Variants in FRAS1 observed in about 807,000 individuals in gnomAD.
The protein encoded by FRAS1 is Fraser extracellular matrix complex subunit 1, also known as extracellular matrix organizing protein FRAS1.
Under a neutral mutation model 435.2 loss-of-function variants are expected in FRAS1, and 290 were observed. The observed-to-expected ratio is 0.67, with a 90% CI of 0.61 to 0.73. The LOEUF is 0.73. FRAS1 is among the 30% of genes least tolerant of loss of function. The pLI is 0.00. For synonymous variants in FRAS1, 1,800 were observed against 1,851.0 expected (o/e 0.97, Z 0.71); for missense variants, 4,860 against 5,001.5 (o/e 0.97, Z 0.85).
At chr4:78,218,090 A>ACTCTCTCT (rs376208393) in intron 2 of FRAS1, among the ~76,000 whole-genome samples, 2 of 14,540 alleles carry the variant, frequency 1.4e-4, no homozygotes, top group African/African-American at 4.1e-4. Flanking sequence ...TCTCTCTCTC[A>ACTCTCTCT]CTCTCTCTCA....
chr4:78,363,788 G>A, intron 21 of FRAS1, 120 bp from the exon 22 acceptor site: 1 of 1,423,342 alleles, frequency 7.0e-7, no homozygotes, highest in South Asian at 1.4e-5. Flanking sequence ...ACTTCCATGG[G>A]ACTGTAAACC....
chr4:78,445,793 C>T, intron 42 of FRAS1, 81 bp downstream of exon 42: 1 of 1,482,958 alleles, frequency 6.7e-7, no homozygotes. Flanking sequence ...TATAGGGACT[C>T]AAAAGCAAAG....
intron 2 of FRAS1, among the ~76,000 whole-genome samples, chr4:78,116,113 A>G (rs1464805514): frequency 3.9e-5 from 6 of 152,208 alleles, no homozygotes; most frequent in East Asian, 1.9e-4. Flanking sequence ...GGAGCAGGTT[A>G]TTCATTTTCC....
chr4:78,289,806 T>C (rs928374758), intron 14 of FRAS1, among the ~76,000 whole-genome samples: 2 of 152,126 alleles, frequency 1.3e-5, no homozygotes, highest in Non-Finnish European at 2.9e-5. Context: ...TATCCATGTA[T>C]GGATGCTCCT....
intron 2 of FRAS1, among the ~76,000 whole-genome samples, chr4:78,139,091 A>G (rs1457908596): frequency 6.6e-6 from 1 of 152,186 alleles, no homozygotes; most frequent in Non-Finnish European, 1.5e-5. Flanking sequence ...GGAATATCCT[A>G]TCACATTATT....
At chr4:78,140,051 A>G (rs1578148531) in intron 2 of FRAS1, among the ~76,000 whole-genome samples, 1 of 152,186 alleles carries the variant, frequency 6.6e-6, no homozygotes, top group South Asian at 2.1e-4. Context: ...AAACAAATAT[A>G]AAAGAATAGT....
At chr4:78,067,512 C>T (rs1740096943) in intron 2 of FRAS1, among the ~76,000 whole-genome samples, 1 of 151,950 alleles carries the variant, frequency 6.6e-6, no homozygotes, top group African/African-American at 2.4e-5. Flanking sequence ...GATGACCTTG[C>T]TTCCCTCTGT....
chr4:78,434,905 GA>G (rs1370750060), intron 38 of FRAS1, among the ~76,000 whole-genome samples: 1 of 152,114 alleles, frequency 6.6e-6, no homozygotes, highest in Non-Finnish European at 1.5e-5. Flanking sequence ...TAAATGAAAA[GA>G]CATGCCATAT....
chr4:78,307,614 T>A (rs1364038063), intron 14 of FRAS1, among the ~76,000 whole-genome samples: 1 of 152,184 alleles, frequency 6.6e-6, no homozygotes, highest in South Asian at 2.1e-4. Context: ...AGTGACCCGA[T>A]TTTCCAGGTG....
chr4:78,300,540 C>A (rs1728336742), intron 14 of FRAS1, among the ~76,000 whole-genome samples: 1 of 152,110 alleles, frequency 6.6e-6, no homozygotes, highest in African/African-American at 2.4e-5. Context: ...CTGGGTCATG[C>A]AGTAGACTCT....
Position 78,464,591 on chromosome 4 carries a change from C to A in FRAS1, c.7029+8C>A. ...GTGGATGCTGACACAGAGGTAAGAG[C>A]ACTTCTTCCCATGGGTTCTCTGGCT... On this transcript the variant is annotated splice_region_variant and intron_variant, in intron 49 of 73. Coordinates refer to ENST00000512123, the MANE Select transcript of FRAS1 (RefSeq NM_025074.7). 1 of 1,613,210 alleles carries A rather than the reference C, an allele frequency of 6.2e-7. No homozygotes were observed. The highest frequency in any genetic ancestry group is 8.5e-7 in the Non-Finnish European group (1 of 1,179,660).
chr4:78,448,228 G>GATACGGC lies in FRAS1; in HGVS notation c.6186_6187insATACGGC (p.Asp2063IlefsTer17). The stretch of plus-strand genomic sequence containing the variant: ...TCTCCCTCACTGATGGCCTCCACGT[G>GATACGGC]GACACAGGGAGGATGAAGATCTACA... On this transcript the variant is annotated frameshift_variant, in exon 44 of 74. Coordinates refer to ENST00000512123, the MANE Select transcript of FRAS1 (RefSeq NM_025074.7). LOFTEE classifies it high-confidence loss of function. 1 of 1,509,702 alleles carries GATACGGC rather than the reference G, an allele frequency of 6.6e-7. No individual in the cohort carries two copies. The highest frequency in any genetic ancestry group is 8.9e-7 in the Non-Finnish European group (1 of 1,125,966). 93.5% of individuals were successfully genotyped at this position (1,509,702 alleles called of 1,614,324 possible).
intron 2 of FRAS1, among the ~76,000 whole-genome samples, chr4:78,082,155 A>G (rs1046027794): frequency 2.0e-5 from 3 of 152,170 alleles, no homozygotes; most frequent in South Asian, 2.1e-4. Context: ...TAATGTTTCC[A>G]ATAGAATCTG....
At position 78,267,367 on chromosome 4, in the gene FRAS1, T is replaced by C. The variant is rs1726417185; in HGVS notation, c.916T>C (p.Cys306Arg). The change falls in exon 9 of 74, where the codon TGC becomes CGC. Residue 306 changes from cysteine (C) to arginine (R), a missense_variant. By Grantham distance (180) the Cys-to-Arg change is radical (BLOSUM62 -3). Transcript: ENST00000512123. The stretch of plus-strand genomic sequence containing the variant: ...GTGGAAGGGCTCGGCCTGTGAGTTC[T>C]GCATGTGTGATCATGGCCAAGTGAC... Reference protein sequence around the residue: ...EMWKGSACEFCMCDHGQVTCQ... With the variant: ...EMWKGSACEFRMCDHGQVTCQ... 1.2e-6 allele frequency: 2 copies of C among 1,613,966 alleles called. No individual in the cohort carries two copies. The highest frequency in any genetic ancestry group is 1.6e-4 in the Middle Eastern group (1 of 6,062).
chr4:78,511,160 A>G, intron 63 of FRAS1, 114 bp from the exon 64 acceptor site: 1 of 883,584 alleles, frequency 1.1e-6, no homozygotes, highest in Non-Finnish European at 1.7e-6. Flanking sequence ...GAATAGATGG[A>G]AAAATCAATG....
intron 9 of FRAS1, among the ~76,000 whole-genome samples, chr4:78,274,033 T>A: frequency 6.6e-6 from 1 of 152,188 alleles, no homozygotes; most frequent in East Asian, 1.9e-4. Context: ...TCTTCCTAGT[T>A]TAGTCTTGGG....
Position 78,374,959 on chromosome 4 carries a change from G to C in FRAS1, c.3151+708G>C, listed in dbSNP as rs111260535. On this transcript the variant is annotated intron_variant, in intron 25 of 73. Coordinates refer to ENST00000512123, the MANE Select transcript of FRAS1 (RefSeq NM_025074.7). ...TCTTACAAGTGAAAGAAAAATAAGA[G>C]ACTTAAAAGTGTTAATCACAGCAGC... is the stretch of plus-strand genomic sequence containing the variant. Among the ~76,000 whole-genome samples, 141 of 152,240 alleles carry C rather than the reference G, an allele frequency of 9.3e-4. 2 individuals are homozygous for C. Among genetic ancestry groups the C allele is most frequent in the Middle Eastern group, 3.4e-3 (1 of 294 alleles).
chr4:78,440,022 T>C (rs1481596556), intron 40 of FRAS1, among the ~76,000 whole-genome samples: 1 of 141,276 alleles, frequency 7.1e-6, no homozygotes, highest in East Asian at 2.0e-4. Flanking sequence ...CATTTCTTTT[T>C]TTTTTTTTTT....
rs529187879 is a variant in FRAS1, at chr4:78,375,637, A to G, written c.3152-102A>G. ...TTCTCTTTTGTTACAGTTGGGGCTCATTTGTTGCATGTGCTCTGACTCTTC... is the reference window on the plus strand; with the variant it reads ...TTCTCTTTTGTTACAGTTGGGGCTCGTTTGTTGCATGTGCTCTGACTCTTC... On this transcript the variant is annotated intron_variant, in intron 25 of 73. Coordinates refer to ENST00000512123, the MANE Select transcript of FRAS1 (RefSeq NM_025074.7). The G allele has an allele frequency of 5.0e-5, 50 of 991,388 alleles. No homozygotes were observed. In the African/African-American group the frequency reaches 7.6e-4, roughly 15 times the overall value. 61.4% of individuals were successfully genotyped at this position (991,388 alleles called of 1,614,324 possible).
Sources: allele counts gnomAD v4.1 joint callset (sites outside exome capture counted in the v4.1 genomes callset), GRCh38; gene constraint gnomAD v4.1.1; transcripts MANE v1.5; gene names NCBI Gene and HGNC (gene_info 2026-07-23, HGNC 2026-07-21).